The following CRB1 variants were observed in gnomAD, a reference collection of about 807,000 sequenced individuals.
CRB1 encodes protein crumbs homolog 1.
Under a neutral mutation model 120.0 loss-of-function variants are expected in CRB1, and 83 were observed. That is an observed-to-expected ratio of 0.69 (90% confidence interval 0.58 to 0.83). The LOEUF is 0.83. Among genes scored for constraint, CRB1 ranks in the 40% least tolerant of loss-of-function variants. CRB1 has a pLI of 0.00. For missense variants in CRB1, 1,699 were observed against 1,687.6 expected, an observed-to-expected ratio of 1.01 and a Z score of -0.12; for synonymous variants, 625 against 612.5, an observed-to-expected ratio of 1.02 and a Z score of -0.30.
At chr1:197,372,303 T>C (rs185801536) in intron 5 of CRB1, among the ~76,000 whole-genome samples, 1 of 152,280 alleles carries the variant, frequency 6.6e-6, no homozygotes, top group East Asian at 1.9e-4. Flanking sequence ...CAGTTATCCA[T>C]TGTGACCCAC....
At chr1:197,453,936 AATAAT>A (rs1370189490) in intron 11 of CRB1, among the ~76,000 whole-genome samples, 1 of 29,922 alleles carries the variant, frequency 3.3e-5, no homozygotes, top group African/African-American at 1.4e-4. Context: ...TTATATTATT[AATAAT>A]ATATATTATT....
chr1:197,330,181 ACAAC>A (rs963113802), intron 2 of CRB1, among the ~76,000 whole-genome samples: 6 of 152,230 alleles, frequency 3.9e-5, no homozygotes, highest in Non-Finnish European at 8.8e-5. Flanking sequence ...TCCTTTACAT[ACAAC>A]CAGTCTTCAG....
chr1:197,216,298 G>A, the CRB1 span, among the ~76,000 whole-genome samples: 8 of 152,150 alleles, frequency 5.3e-5, no homozygotes, highest in African/African-American at 1.9e-4. Flanking sequence ...ATGGGTGCTT[G>A]CCTACTCACC....
chr1:197,439,555 G>A (rs1665331574), intron 10 of CRB1: 1 of 152,102 alleles, frequency 6.6e-6, no homozygotes, highest in African/African-American at 2.4e-5. Context: ...TCTTCTATTT[G>A]ATGTGCCAGC....
chr1:197,427,892 GACTAAACAACCAAA>G lies in CRB1; in HGVS notation c.2569_2582del (p.Leu857SerfsTer47). ...TTCAAAGGCTGTATCCAAGATGTAAGACTAAACAACCAAAATCTGGAATTCTTTCCAAATCCAAC... is the reference window on the plus strand; with the variant it reads ...TTCAAAGGCTGTATCCAAGATGTAAGATCTGGAATTCTTTCCAAATCCAAC... On this transcript the variant is annotated frameshift_variant, in exon 7 of 12. Coordinates refer to ENST00000367400, the MANE Select transcript of CRB1 (RefSeq NM_201253.3). LOFTEE classifies it high-confidence loss of function. The G allele has an allele frequency of 6.2e-7, 1 of 1,613,998 alleles. No homozygotes were observed. Among genetic ancestry groups the G allele is most frequent in the Non-Finnish European group, 8.5e-7 (1 of 1,179,952 alleles).
chr1:197,473,723 T>C (rs1667080670), intron 11 of CRB1, among the ~76,000 whole-genome samples: 1 of 151,970 alleles, frequency 6.6e-6, no homozygotes, highest in Admixed American at 6.6e-5. Context: ...CCAATCCAAA[T>C]AGGGCTGGCC....
intron 1 of CRB1, among the ~76,000 whole-genome samples, chr1:197,311,546 C>G (rs1657520129): frequency 6.6e-6 from 1 of 152,032 alleles, no homozygotes; most frequent in Non-Finnish European, 1.5e-5. Context: ...CTTGTTGCAA[C>G]TACTTTATTT....
intron 1 of CRB1, among the ~76,000 whole-genome samples, chr1:197,276,443 C>G (rs1053314162): frequency 4.0e-5 from 6 of 151,768 alleles, no homozygotes; most frequent in African/African-American, 1.5e-4. Flanking sequence ...ATATCTGACA[C>G]TGTTCTAGGC....
chr1:197,457,164 T>C (rs147673206), intron 11 of CRB1, among the ~76,000 whole-genome samples: 1 of 152,224 alleles, frequency 6.6e-6, no homozygotes, highest in African/African-American at 2.4e-5. Context: ...ACAATCAGCA[T>C]TTGGAGTGTC....
At chr1:197,311,042 A>T (rs1657488846) in intron 1 of CRB1, among the ~76,000 whole-genome samples, 1 of 152,250 alleles carries the variant, frequency 6.6e-6, no homozygotes, top group African/African-American at 2.4e-5. Context: ...AAGCTAAGCT[A>T]ACTTTTAAAT....
intron 5 of CRB1, among the ~76,000 whole-genome samples, chr1:197,389,984 C>T (rs1473554873): frequency 1.3e-5 from 2 of 151,658 alleles, no homozygotes; most frequent in African/African-American, 2.4e-5. Flanking sequence ...ATCAAATGTG[C>T]AACTCAAAAC....
chr1:197,279,615 C>T (rs1057301003), intron 1 of CRB1, among the ~76,000 whole-genome samples: 18 of 150,354 alleles, frequency 1.2e-4, no homozygotes, highest in Admixed American at 7.3e-4. Flanking sequence ...TCTTTCTACT[C>T]AGCTGCTTCA....
At chr1:197,245,960 G>A in the CRB1 span, among the ~76,000 whole-genome samples, 9 of 152,192 alleles carry the variant, frequency 5.9e-5, no homozygotes, top group Non-Finnish European at 1.2e-4. Flanking sequence ...CCTCACTGAC[G>A]TTGGTTGGGG....
At chr1:197,204,236 T>A in the CRB1 span, among the ~76,000 whole-genome samples, 1 of 152,258 alleles carries the variant, frequency 6.6e-6, no homozygotes, top group Non-Finnish European at 1.5e-5. Flanking sequence ...AATTGCAAAT[T>A]GTGCTGCTAC....
intron 11 of CRB1, among the ~76,000 whole-genome samples, chr1:197,457,328 TTAAG>T (rs1666328431): frequency 6.6e-6 from 1 of 152,000 alleles, no homozygotes; most frequent in African/African-American, 2.4e-5. Flanking sequence ...ATCCCAAGAG[TTAAG>T]TAATATTATT....
chr1:197,341,412 ATGCGCCTGTAGTCTC>A (rs1426555500), intron 2 of CRB1, among the ~76,000 whole-genome samples: 1 of 152,064 alleles, frequency 6.6e-6, no homozygotes, highest in Non-Finnish European at 1.5e-5. Context: ...GCATGATGGC[ATGCGCCTGTAGTCTC>A]AGCTACTTGG....
At chr1:197,389,518 G>A (rs1030335187) in intron 5 of CRB1, among the ~76,000 whole-genome samples, 1 of 152,024 alleles carries the variant, frequency 6.6e-6, no homozygotes, top group Non-Finnish European at 1.5e-5. Context: ...TTAGAATGGC[G>A]ACTGCCAGGG....
At chr1:197,335,620 T>C (rs988324743) in intron 2 of CRB1, among the ~76,000 whole-genome samples, 1 of 152,076 alleles carries the variant, frequency 6.6e-6, no homozygotes, top group African/African-American at 2.4e-5. Context: ...TGCCTCAGCC[T>C]CCTTAGTAGC....
At chr1:197,299,347 C>A (rs1040723821) in intron 1 of CRB1, among the ~76,000 whole-genome samples, 1 of 152,008 alleles carries the variant, frequency 6.6e-6, no homozygotes, top group Admixed American at 6.6e-5. Context: ...TCTTACAAAG[C>A]CAACCTGACA....
Sources: allele counts gnomAD v4.1 joint callset (sites outside exome capture counted in the v4.1 genomes callset), GRCh38; gene constraint gnomAD v4.1.1; transcripts MANE v1.5; gene names NCBI Gene and HGNC (gene_info 2026-07-23, HGNC 2026-07-21).